Variants in TBC1D19 observed in about 807,000 individuals in gnomAD.
TBC1D19 encodes TBC1 domain family, member 19.
Under a neutral mutation model 89.0 loss-of-function variants are expected in TBC1D19, and 60 were observed. That is an observed-to-expected ratio of 0.67 (90% CI 0.55 to 0.84). The LOEUF (loss-of-function observed/expected upper bound fraction) is 0.84. Ranked by LOEUF, TBC1D19 falls within the 40% of genes least tolerant of loss-of-function variation. The pLI is 0.00. For missense variants in TBC1D19, 500 were observed against 610.8 expected, an observed-to-expected ratio of 0.82 and a Z score of 1.91; for synonymous variants, 189 against 199.7, an observed-to-expected ratio of 0.95 and a Z score of 0.45.
intron 15 of TBC1D19, among the ~76,000 whole-genome samples, chr4:26,724,047 G>A (rs1480012554): frequency 6.6e-6 from 1 of 152,212 alleles, no homozygotes; most frequent in East Asian, 1.9e-4. Context: ...ACTATATGGA[G>A]TATGCTATGC....
intron 13 of TBC1D19, among the ~76,000 whole-genome samples, chr4:26,717,135 T>C (rs936263986): frequency 6.6e-6 from 1 of 152,074 alleles, no homozygotes; most frequent in African/African-American, 2.4e-5. Context: ...CACAAGGATT[T>C]TTCCTCTCCC....
the TBC1D19 span, among the ~76,000 whole-genome samples, chr4:26,851,309 CTATCTAT>C: frequency 9.2e-5 from 6 of 65,402 alleles, no homozygotes; most frequent in African/African-American, 2.1e-4. Flanking sequence ...AATACCCTAT[CTATCTAT>C]CTATCTATCT....
rs552714246 is a variant in TBC1D19 at position 26,752,638 on chromosome 4, A to G, written c.1436-1182A>G. ...TCACTGGTGATGGAGAGAAAAGGAG[A>G]TAAGTCAAGAGTTAGCTCCAAGCAG... On this transcript the variant is annotated intron_variant, in intron 19 of 20. Coordinates refer to ENST00000264866, the MANE Select transcript of TBC1D19 (RefSeq NM_018317.4). 3.6e-4 allele frequency among the ~76,000 whole-genome samples: 55 copies of G among 152,300 alleles called. 1 individual carries two copies. The highest frequency in any genetic ancestry group is 1.9e-4 in the East Asian group (1 of 5,180).
chr4:26,745,280 T>C (rs1368307745), intron 18 of TBC1D19, among the ~76,000 whole-genome samples: 7 of 151,930 alleles, frequency 4.6e-5, no homozygotes, highest in Non-Finnish European at 7.4e-5. Flanking sequence ...AATCGGTGTG[T>C]TTATACCATT....
intron 13 of TBC1D19, among the ~76,000 whole-genome samples, chr4:26,698,428 C>T (rs909902715): frequency 8.5e-5 from 13 of 152,146 alleles, no homozygotes; most frequent in Non-Finnish European, 1.9e-4. Context: ...GTGAAAATGG[C>T]CATACTGCCC....
chr4:26,629,326 G>A (rs748285696), intron 4 of TBC1D19, among the ~76,000 whole-genome samples: 47 of 151,760 alleles, frequency 3.1e-4, no homozygotes, highest in Non-Finnish European at 4.6e-4. Context: ...GTACTTTTCC[G>A]GTCTCATCCA....
intron 7 of TBC1D19, among the ~76,000 whole-genome samples, chr4:26,642,628 G>C (rs1207382766): frequency 6.6e-6 from 1 of 152,148 alleles, no homozygotes; most frequent in Non-Finnish European, 1.5e-5. Flanking sequence ...AAAAGACACA[G>C]ACTGGCAAAT....
the TBC1D19 span, among the ~76,000 whole-genome samples, chr4:26,766,762 T>C: frequency 6.6e-6 from 1 of 152,224 alleles, no homozygotes; most frequent in Non-Finnish European, 1.5e-5. Flanking sequence ...TAATATTACT[T>C]AACCTTTAAG....
chr4:26,605,396 T>G (rs1385609595), intron 1 of TBC1D19, among the ~76,000 whole-genome samples: 1 of 151,784 alleles, frequency 6.6e-6, no homozygotes, highest in Non-Finnish European at 1.5e-5. Flanking sequence ...TCATTTTTTA[T>G]GGCTGCATAG....
At chr4:26,752,984 A>G (rs1237880071) in intron 19 of TBC1D19, among the ~76,000 whole-genome samples, 4 of 152,072 alleles carry the variant, frequency 2.6e-5, no homozygotes, top group Non-Finnish European at 5.9e-5. Context: ...TACTTAATGT[A>G]TATTATTGAC....
At chr4:26,668,475 A>G (rs1712007359) in intron 9 of TBC1D19, among the ~76,000 whole-genome samples, 1 of 152,026 alleles carries the variant, frequency 6.6e-6, no homozygotes, top group South Asian at 2.1e-4. Context: ...ATACATAGAC[A>G]TAAGACATAA....
At chr4:26,747,746 C>T (rs56150091) in intron 18 of TBC1D19, among the ~76,000 whole-genome samples, 69,137 of 151,992 alleles carry the variant, frequency 0.45, 17,546 homozygotes, top group Admixed American at 0.6. Context: ...GTTATTGTAA[C>T]ATAACCTACT....
At chr4:26,767,330 A>G in the TBC1D19 span, among the ~76,000 whole-genome samples, 2 of 152,204 alleles carry the variant, frequency 1.3e-5, no homozygotes, top group Admixed American at 6.5e-5. Context: ...CATTGCATAT[A>G]CACAAACTAT....
intron 1 of TBC1D19, among the ~76,000 whole-genome samples, chr4:26,598,008 C>G (rs1013277607): frequency 1.3e-5 from 2 of 151,974 alleles, no homozygotes; most frequent in Non-Finnish European, 2.9e-5. Context: ...ATGTACTCAC[C>G]CCTTTCTTTG....
the TBC1D19 span, among the ~76,000 whole-genome samples, chr4:26,782,599 A>G: frequency 1.3e-5 from 2 of 152,222 alleles, no homozygotes; most frequent in African/African-American, 4.8e-5. Flanking sequence ...TGAGAGACAA[A>G]GCTTAAACCA....
chr4:26,651,263 G>A (rs1400851694), intron 7 of TBC1D19, among the ~76,000 whole-genome samples: 1 of 152,160 alleles, frequency 6.6e-6, no homozygotes, highest in Non-Finnish European at 1.5e-5. Flanking sequence ...AAAGTCAGTG[G>A]TAGCTTGATG....
chr4:26,609,123 G>A (rs1046602525), intron 1 of TBC1D19, among the ~76,000 whole-genome samples: 56 of 150,096 alleles, frequency 3.7e-4, no homozygotes, highest in African/African-American at 1.3e-3. Flanking sequence ...ATGAGTTAAT[G>A]GGTGCAGCAC....
chr4:26,725,104 CT>C (rs1442654906), intron 15 of TBC1D19, among the ~76,000 whole-genome samples: 2 of 152,192 alleles, frequency 1.3e-5, no homozygotes, highest in Non-Finnish European at 2.9e-5. Context: ...CAAGATCCCC[CT>C]GGTACCAGCA....
the TBC1D19 span, among the ~76,000 whole-genome samples, chr4:26,821,102 G>A: frequency 3.3e-5 from 5 of 152,202 alleles, no homozygotes; most frequent in African/African-American, 1.2e-4. Context: ...TTGCAATCAA[G>A]CATGCACATG....
Sources: gnomAD v4.1 joint callset for allele counts (sites outside exome capture counted in the v4.1 genomes callset) on GRCh38, gnomAD v4.1.1 for gene constraint, MANE v1.5 for transcripts, NCBI Gene and HGNC (gene_info 2026-07-23, HGNC 2026-07-21) for gene names.